The following PCDHGB4 variants were observed in gnomAD, a reference collection of about 807,000 sequenced individuals.
The protein encoded by PCDHGB4 is protocadherin gamma-B4.
PCDHGB4 carries 38 observed loss-of-function variants against 60.5 expected under a neutral mutation model. The observed-to-expected ratio is 0.63, with a 90% CI of 0.48 to 0.82. The LOEUF (loss-of-function observed/expected upper bound fraction) is 0.82. Ranked by LOEUF, PCDHGB4 falls within the 40% of genes least tolerant of loss-of-function variation. PCDHGB4 has a pLI of 0.00. For synonymous variants in PCDHGB4, 456 were observed against 509.7 expected (o/e 0.89, Z 1.42); for missense variants, 1,109 against 1,209.6 (o/e 0.92, Z 1.23).
chr5:141,501,381 T>A (rs1261533671), intron 2 of PCDHGB4, among the ~76,000 whole-genome samples: 4 of 151,750 alleles, frequency 2.6e-5, no homozygotes, highest in African/African-American at 9.7e-5. Flanking sequence ...TCTTAAATCC[T>A]AGGTCCTGTC....
intron 1 of PCDHGB4, chr5:141,441,249 T>TA (rs981387539): frequency 2.0e-5 from 3 of 152,206 alleles, no homozygotes. Context: ...ACAAGATCTT[T>TA]AAATCACAAG....
chr5:141,494,712 C>T, intron 1 of PCDHGB4, 95 bp from the exon 2 acceptor site: 1 of 1,603,048 alleles, frequency 6.2e-7, no homozygotes, highest in Non-Finnish European at 8.5e-7. Context: ...TCTGTGCCCA[C>T]TCCCCTCCTT....
chr5:141,410,031 AG>A lies in PCDHGB4; in HGVS notation c.2397+19752del, dbSNP rs1303415196. ...GCCTGGCTGTCCTACCACGTGCTGCAGGCCAGTGAGCCCGGACTCTTCAGCC... is the reference window on the plus strand; with the variant it reads ...GCCTGGCTGTCCTACCACGTGCTGCAGCCAGTGAGCCCGGACTCTTCAGCC... On this transcript the variant is annotated intron_variant, in intron 1 of 3. Coordinates refer to ENST00000519479, the MANE Select transcript of PCDHGB4 (RefSeq NM_003736.4). 3.1e-6 allele frequency: 5 copies of A among 1,613,236 alleles called. No homozygotes were observed. In the South Asian group the frequency reaches 5.5e-5, roughly 18 times the overall value.
intron 1 of PCDHGB4, chr5:141,403,168 G>A: frequency 1.2e-6 from 2 of 1,614,032 alleles, no homozygotes; most frequent in African/African-American, 1.3e-5. Context: ...GAGGTAGGAC[G>A]CAGCTTTTCT....
chr5:141,453,288 A>ATTAT (rs577328880), intron 1 of PCDHGB4, among the ~76,000 whole-genome samples: 1,792 of 151,444 alleles, frequency 0.012, 41 homozygotes, highest in African/African-American at 0.034. Context: ...TAATTTTTTA[A>ATTAT]TTATTTATTT....
chr5:141,432,071 AT>A lies in PCDHGB4; in HGVS notation c.2397+41791del. 1 of 1,614,158 alleles carries A rather than the reference AT, an allele frequency of 6.2e-7. No individual in the cohort carries two copies. Among genetic ancestry groups the A allele is most frequent in the Non-Finnish European group, 8.5e-7 (1 of 1,180,032 alleles). ...CCCGCCCCTATCCACGGAAACTCAT[AT>A]CTCGCTGAACGTGGCAGACACCAAC... On this transcript the variant is annotated intron_variant, in intron 1 of 3. Transcript: ENST00000519479. The surrounding 1 kb of genome is among the most constrained non-coding windows in gnomAD (Gnocchi z 6.0).
Position 141,486,791 on chromosome 5 carries a change from C to G in PCDHGB4, c.2398-8016C>G. On this transcript the variant is annotated intron_variant, in intron 1 of 3. Coordinates refer to ENST00000519479, the MANE Select transcript of PCDHGB4 (RefSeq NM_003736.4). The surrounding 1 kb of genome is among the most constrained non-coding windows in gnomAD (Gnocchi z 5.0). ...GCAGTTTGAGGTGCAGGCCCGGGAT[C>G]GGGGCAACCCACCCCTTAGCAGCAC... The G allele has an allele frequency of 1.9e-6, 3 of 1,614,224 alleles. No individual in the cohort carries two copies. The highest frequency in any genetic ancestry group is 2.5e-6 in the Non-Finnish European group (3 of 1,180,046).
chr5:141,392,971 G>T (rs2092639952), intron 1 of PCDHGB4: 1 of 1,613,896 alleles, frequency 6.2e-7, no homozygotes, highest in Non-Finnish European at 8.5e-7. Flanking sequence ...AAGGACCTGG[G>T]GCTGGACCCC....
At chr5:141,433,358 C>CCTAG (rs1554125965) in intron 1 of PCDHGB4, 2 of 498,106 alleles carry the variant, frequency 4.0e-6, no homozygotes, top group African/African-American at 4.2e-5. Flanking sequence ...CTACTGTCTG[C>CCTAG]CTATCTATCT....
intron 1 of PCDHGB4, chr5:141,424,024 C>T: frequency 9.6e-7 from 1 of 1,045,488 alleles, no homozygotes; most frequent in Non-Finnish European, 1.2e-6. Flanking sequence ...GATTCACAAA[C>T]ACTTTTTATT....
chr5:141,492,078 C>T (rs948391194), intron 1 of PCDHGB4: 4 of 483,290 alleles, frequency 8.3e-6, no homozygotes, highest in African/African-American at 2.0e-5. Flanking sequence ...GCGCCGGCTC[C>T]GGCACGCTTC....
rs780241180 is a variant in PCDHGB4, at chr5:141,490,819, C to A, written c.2398-3988C>A. On this transcript the variant is annotated intron_variant, in intron 1 of 3. Transcript: ENST00000519479. The surrounding 1 kb of genome is among the most constrained non-coding windows in gnomAD (Gnocchi z 5.4). ...CCAGCGTACCTTTGACTATGAATTGCTGCAGATGCTGCAGATTGTGGTGGG... is the reference window on the plus strand; with the variant it reads ...CCAGCGTACCTTTGACTATGAATTGATGCAGATGCTGCAGATTGTGGTGGG... 3 of 1,613,842 alleles carry A rather than the reference C, an allele frequency of 1.9e-6. No individual in the cohort carries two copies. The highest frequency in any genetic ancestry group is 2.5e-6 in the Non-Finnish European group (3 of 1,179,804).
At position 141,388,927 on chromosome 5, in the gene PCDHGB4, A is replaced by G. The variant is rs772950330; in HGVS notation, c.1043A>G (p.Gln348Arg). 7 of 1,614,064 alleles carry G rather than the reference A, an allele frequency of 4.3e-6. No individual in the cohort carries two copies. Among genetic ancestry groups the G allele is most frequent in the Non-Finnish European group, 5.1e-6 (6 of 1,179,890 alleles). Reference sequence around the variant, plus strand: ...GACAACGCCCCAGAAGTGATATTCCAGTCTCTACCCAACCTAATTATGGAG... The same window carrying G: ...GACAACGCCCCAGAAGTGATATTCCGGTCTCTACCCAACCTAATTATGGAG... ...ENDNAPEVIFQSLPNLIMEDA... is the reference protein window; with the variant it reads ...ENDNAPEVIFRSLPNLIMEDA... The change falls in exon 1 of 4, where the codon CAG becomes CGG. Residue 348 changes from glutamine (Q) to arginine (R), a missense_variant. Physicochemically the swap from Gln to Arg is conservative, Grantham distance 43. Coordinates refer to ENST00000519479, the MANE Select transcript of PCDHGB4 (RefSeq NM_003736.4).
rs2150413972 is a variant in PCDHGB4, at chr5:141,390,212, C to T, written c.2328C>T (p.Asp776=). The T allele has an allele frequency of 6.2e-7, 1 of 1,614,058 alleles. No individual in the cohort carries two copies. The highest frequency in any genetic ancestry group is 1.3e-5 in the African/African-American group (1 of 75,070). The change falls in exon 1 of 4, where the codon GAC becomes GAT. Residue 776 remains aspartate, a synonymous_variant. Coordinates refer to ENST00000519479, the MANE Select transcript of PCDHGB4 (RefSeq NM_003736.4). ...GTGAGCAGTTGAGTTCAGGACAAGACATACTTTGCGGTGATTCATCTGGGG... is the reference window on the plus strand; with the variant it reads ...GTGAGCAGTTGAGTTCAGGACAAGATATACTTTGCGGTGATTCATCTGGGG... The part of the protein sequence containing the change: ...KCSEQLSSGQ[D]ILCGDSSGAL...
chr5:141,500,187 TATTTA>T (rs1467273493), intron 2 of PCDHGB4, among the ~76,000 whole-genome samples: 2 of 110,668 alleles, frequency 1.8e-5, no homozygotes, highest in Non-Finnish European at 3.6e-5. Flanking sequence ...TTTTTATTTT[TATTTA>T]TTTATTTATT....
At chr5:141,441,196 G>C (rs575668023) in intron 1 of PCDHGB4, 2 of 152,266 alleles carry the variant, frequency 1.3e-5, no homozygotes, top group East Asian at 3.9e-4. Flanking sequence ...GATTCCCAAA[G>C]ATTCTGCACC....
intron 1 of PCDHGB4, among the ~76,000 whole-genome samples, chr5:141,425,111 A>G (rs2096857405): frequency 6.6e-6 from 1 of 152,144 alleles, no homozygotes; most frequent in Admixed American, 6.5e-5. Context: ...AGATGCCTAC[A>G]TTTTTCTTGA....
intron 1 of PCDHGB4, among the ~76,000 whole-genome samples, chr5:141,452,103 TTTCTC>T (rs1428635203): frequency 1.3e-5 from 2 of 152,186 alleles, no homozygotes; most frequent in African/African-American, 4.8e-5. Context: ...AGAGCTTTCT[TTTCTC>T]TTCTTATTTA....
rs2096301395 is a variant in PCDHGB4, at chr5:141,418,913, C to A, written c.2397+28632C>A. On this transcript the variant is annotated intron_variant, in intron 1 of 3. Coordinates refer to ENST00000519479, the MANE Select transcript of PCDHGB4 (RefSeq NM_003736.4). ...CAGCCCAGAAATAATCATCACGTCA[C>A]TCTCTGATCAGATTATGGAGGATTC... The A allele has an allele frequency of 2.5e-6, 4 of 1,613,946 alleles. No homozygotes were observed. The highest frequency in any genetic ancestry group is 3.4e-6 in the Non-Finnish European group (4 of 1,179,822).
Sources: allele counts gnomAD v4.1 joint callset (sites outside exome capture counted in the v4.1 genomes callset), GRCh38; gene constraint gnomAD v4.1.1; non-coding constraint Gnocchi (gnomAD v3.1); transcripts MANE v1.5; gene names NCBI Gene and HGNC (gene_info 2026-07-23, HGNC 2026-07-21).